PDIK1L: variants seen among roughly 807,000 people sequenced by gnomAD.
PDIK1L encodes serine/threonine-protein kinase PDIK1L.
In PDIK1L, 9 loss-of-function variants were observed where a neutral mutation model predicts 27.1. The observed-to-expected ratio is 0.33, with a 90% confidence interval of 0.20 to 0.58. The LOEUF (loss-of-function observed/expected upper bound fraction) is 0.58. Among genes scored for constraint, PDIK1L ranks in the 20% least tolerant of loss-of-function variants. PDIK1L has a pLI of 0.86. For synonymous variants in PDIK1L, 130 were observed against 141.7 expected (o/e 0.92, Z 0.59); for missense variants, 216 against 413.2 (o/e 0.52, Z 4.14).
At chr1:26,120,966 A>G (rs2087974451) in intron 2 of PDIK1L, among the ~76,000 whole-genome samples, 1 of 151,826 alleles carries the variant, frequency 6.6e-6, no homozygotes, top group South Asian at 2.1e-4. Flanking sequence ...AAAAAAAAAA[A>G]AAAGACTATG....
intron 2 of PDIK1L, among the ~76,000 whole-genome samples, chr1:26,119,403 G>GTC (rs56711335): frequency 0.043 from 6,478 of 149,008 alleles, 193 homozygotes; most frequent in African/African-American, 0.082. Flanking sequence ...GCAAGACCTT[G>GTC]TCTCTCTCTC....
chr1:26,123,369 G>A lies in PDIK1L; in HGVS notation c.*792G>A, dbSNP rs1397962278. On this transcript the variant is annotated 3_prime_UTR_variant, in exon 3 of 3. Transcript: ENST00000374269. ...TGGCAGCAGGTTGGTGATTCAGTCC[G>A]ACCTTCTTTAGGTAACCGAGCATTT... The A allele has an allele frequency of 2.0e-5, 3 of 152,260 alleles. No homozygotes were observed. The highest frequency in any genetic ancestry group is 2.1e-4 in the South Asian group (1 of 4,822). The allele number at this position is 152,260 out of a possible 1,614,324, so 9.4% of individuals were successfully genotyped here.
At position 26,114,013 on chromosome 1, in the gene PDIK1L, A is replaced by G. The variant is rs533541487; in HGVS notation, c.-17-279A>G. On this transcript the variant is annotated intron_variant, in intron 1 of 2. Coordinates refer to ENST00000374269, the MANE Select transcript of PDIK1L (RefSeq NM_152835.5). This position sits in a 1 kb window ranked among gnomAD's most constrained non-coding sequence, Gnocchi z 4.8. ...TTTAACCTCTCCATTATATAGTTTC[A>G]TCTATAAAAAGACCATAATAGTATC... 6.6e-6 allele frequency among the ~76,000 whole-genome samples: 1 copy of G among 152,192 alleles called. No individual in the cohort carries two copies. Among genetic ancestry groups the G allele is most frequent in the African/African-American group, 2.4e-5 (1 of 41,430 alleles).
rs905429709 is a variant in PDIK1L, at chr1:26,123,640, A to T, written c.*1063A>T. On this transcript the variant is annotated 3_prime_UTR_variant, in exon 3 of 3. Transcript: ENST00000374269. The stretch of plus-strand genomic sequence containing the variant: ...TTGTTGAGTCACTGGAGTTCCTTTC[A>T]TTTTGGCACTGATGCTGTTTTCTCT... The T allele has an allele frequency of 6.6e-6, 1 of 152,522 alleles. No individual in the cohort carries two copies. Among genetic ancestry groups the T allele is most frequent in the Non-Finnish European group, 1.5e-5 (1 of 67,990 alleles). The allele number at this position is 152,522 out of a possible 1,614,324, so 9.4% of individuals were successfully genotyped here. A position where few individuals can be genotyped will look rare whatever the true frequency, so the allele number is the denominator to read the frequency against.
chr1:26,122,528 A>G lies in PDIK1L; in HGVS notation c.977A>G (p.Glu326Gly). ...GATCGTCCAGATGCTTTTGAACTAG[A>G]ACTCAGATTAGTACAAATTGCATTT... The part of the protein sequence containing the change: ...PQDRPDAFEL[E>G]LRLVQIAFKD... The change falls in exon 3 of 3, where the codon GAA becomes GGA. Residue 326 changes from glutamate (E) to glycine (G), a missense_variant. Coordinates refer to ENST00000374269, the MANE Select transcript of PDIK1L (RefSeq NM_152835.5). This position sits in a 1 kb window ranked among gnomAD's most constrained non-coding sequence, Gnocchi z 5.4. The G allele has an allele frequency of 6.2e-7, 1 of 1,613,474 alleles. No individual in the cohort carries two copies. Among genetic ancestry groups the G allele is most frequent in the Non-Finnish European group, 8.5e-7 (1 of 1,179,804 alleles).
chr1:26,119,266 G>A (rs192459569), intron 2 of PDIK1L, among the ~76,000 whole-genome samples: 80 of 152,168 alleles, frequency 5.3e-4, no homozygotes, highest in African/African-American at 1.8e-3. Flanking sequence ...AAATTAGACG[G>A]GCGTGGTGGT....
At chr1:26,116,157 C>G (rs372003588) in intron 2 of PDIK1L, among the ~76,000 whole-genome samples, 28 of 150,890 alleles carry the variant, frequency 1.9e-4, no homozygotes, top group African/African-American at 6.6e-4. Flanking sequence ...GAACCAAGAT[C>G]GCACCACTGC....
chr1:26,113,602 AATAG>A (rs1288048052), intron 1 of PDIK1L, among the ~76,000 whole-genome samples: 2 of 152,094 alleles, frequency 1.3e-5, no homozygotes, highest in African/African-American at 2.4e-5. Context: ...TTAAAATATG[AATAG>A]ATAGAGTTTG....
At position 26,122,998 on chromosome 1, in the gene PDIK1L, A is replaced by C. The variant is rs1199718528; in HGVS notation, c.*421A>C. The C allele has an allele frequency of 6.5e-6, 1 of 153,720 alleles. No individual in the cohort carries two copies. Among genetic ancestry groups the C allele is most frequent in the Non-Finnish European group, 1.5e-5 (1 of 68,844 alleles). The allele number at this position is 153,720 out of a possible 1,614,324, so 9.5% of individuals were successfully genotyped here. A position where few individuals can be genotyped will look rare whatever the true frequency, so the allele number is the denominator to read the frequency against. On this transcript the variant is annotated 3_prime_UTR_variant, in exon 3 of 3. Transcript: ENST00000374269. This position sits in a 1 kb window ranked among gnomAD's most constrained non-coding sequence, Gnocchi z 5.4. ...GAAACATATATGTATATATTTATGT[A>C]TATGTAAGTATGTGAATGTGCGCAT...
upstream of PDIK1L, chr1:26,111,311 TC>T (rs1305610262): frequency 1.3e-5 from 2 of 151,192 alleles, no homozygotes; most frequent in Non-Finnish European, 3.0e-5. This position sits in a 1 kb window ranked among gnomAD's most constrained non-coding sequence, Gnocchi z 4.0. Flanking sequence ...GGGCCGCACC[TC>T]CCCGCAGGCC....
intron 2 of PDIK1L, among the ~76,000 whole-genome samples, chr1:26,118,099 A>G (rs77110388): frequency 1.3e-5 from 2 of 152,112 alleles, no homozygotes; most frequent in East Asian, 3.9e-4. Flanking sequence ...TGAACTTTAC[A>G]TTGAGTTTTA....
chr1:26,116,337 C>G (rs1414371405), intron 2 of PDIK1L, among the ~76,000 whole-genome samples: 1 of 151,854 alleles, frequency 6.6e-6, no homozygotes, highest in African/African-American at 2.4e-5. Context: ...TAGCAAAACC[C>G]CATCTGTACA....
chr1:26,115,308 A>C (rs987616528), intron 2 of PDIK1L, among the ~76,000 whole-genome samples: 3 of 152,260 alleles, frequency 2.0e-5, no homozygotes, highest in East Asian at 1.9e-4. Flanking sequence ...TGGGAGCTGG[A>C]GCTGAGAATG....
Position 26,122,462 on chromosome 1 carries a change from T to G in PDIK1L, c.911T>G (p.Met304Arg). ...PVKKKSMNGR[M>R]KQLIKEMLAA... ...AAGAAAAAATCTATGAATGGGCGAATGAAACAACTGATTAAGGAAATGCTG... is the reference window on the plus strand; with the variant it reads ...AAGAAAAAATCTATGAATGGGCGAAGGAAACAACTGATTAAGGAAATGCTG... Residue 304 changes from methionine to arginine, a missense_variant, in exon 3 of 3, where the codon ATG (methionine) becomes AGG (arginine). Physicochemically the swap from Met to Arg is moderately conservative, Grantham distance 91 (BLOSUM62 -1). Coordinates refer to ENST00000374269, the MANE Select transcript of PDIK1L (RefSeq NM_152835.5). The surrounding 1 kb of genome is among the most constrained non-coding windows in gnomAD (Gnocchi z 5.4). The G allele has an allele frequency of 6.2e-7, 1 of 1,614,148 alleles. No individual in the cohort carries two copies. Among genetic ancestry groups the G allele is most frequent in the Non-Finnish European group, 8.5e-7 (1 of 1,180,014 alleles).
Position 26,114,572 on chromosome 1 carries a change from T to A in PDIK1L, c.264T>A (p.Ser88=). 1 of 1,613,714 alleles carries A rather than the reference T, an allele frequency of 6.2e-7. No homozygotes were observed. The highest frequency in any genetic ancestry group is 8.5e-7 in the Non-Finnish European group (1 of 1,179,608). ...DGMVQKMSHG[S]NSSLYLQLVE... The stretch of plus-strand genomic sequence containing the variant: ...TGGTGCAAAAGATGTCCCACGGCTC[T>A]AATTCTTCCCTTTATTTACAGGTAT... Residue 88 remains serine, a synonymous_variant, in exon 2 of 3, where the codon TCT becomes TCA. Transcript: ENST00000374269. This position sits in a 1 kb window ranked among gnomAD's most constrained non-coding sequence, Gnocchi z 4.8.
chr1:26,112,198 C>T (rs1557592704), intron 1 of PDIK1L, among the ~76,000 whole-genome samples: 1 of 152,224 alleles, frequency 6.6e-6, no homozygotes, highest in Non-Finnish European at 1.5e-5. Context: ...CATCTGAGCA[C>T]GGCCGAGGAG....
chr1:26,113,073 G>A (rs2087822603), intron 1 of PDIK1L, among the ~76,000 whole-genome samples: 1 of 152,104 alleles, frequency 6.6e-6, no homozygotes, highest in Non-Finnish European at 1.5e-5. Flanking sequence ...AATAGATATT[G>A]TTTACTCCAG....
intron 1 of PDIK1L, among the ~76,000 whole-genome samples, chr1:26,113,444 A>T (rs2087829718): frequency 6.7e-6 from 1 of 149,720 alleles, no homozygotes; most frequent in Non-Finnish European, 1.5e-5. Flanking sequence ...GTGAGCCGAG[A>T]TCAAGTCATT....
rs549568535 is a variant in PDIK1L, at chr1:26,114,849, A to G, written c.285+256A>G. 2.0e-4 allele frequency among the ~76,000 whole-genome samples: 30 copies of G among 152,378 alleles called. No homozygotes were observed. Among genetic ancestry groups the G allele is most frequent in the African/African-American group, 6.5e-4 (27 of 41,588 alleles). ...TTGCCAGTCTGCATAGGAATGGGGC[A>G]AGATAGGAACTAGAGAGGTGCTTGA... On this transcript the variant is annotated intron_variant, in intron 2 of 2. Coordinates refer to ENST00000374269, the MANE Select transcript of PDIK1L (RefSeq NM_152835.5). This position sits in a 1 kb window ranked among gnomAD's most constrained non-coding sequence, Gnocchi z 4.8.
Sources: allele counts gnomAD v4.1 joint callset (sites outside exome capture counted in the v4.1 genomes callset), GRCh38; gene constraint gnomAD v4.1.1; non-coding constraint Gnocchi (gnomAD v3.1); transcripts MANE v1.5; gene names NCBI Gene and HGNC (gene_info 2026-07-23, HGNC 2026-07-21).